The following C17orf58 variants were observed in gnomAD, a reference collection of about 807,000 sequenced individuals.
C17orf58 encodes chromosome 17 open reading frame 58.
Under a neutral mutation model 7.4 loss-of-function variants are expected in C17orf58, and 5 were observed. The observed-to-expected ratio is 0.67, with a 90% CI of 0.35 to 1.42. C17orf58 has a LOEUF of 1.42. Ranked by LOEUF, C17orf58 falls within the 40% of genes most tolerant of loss-of-function variation. The pLI is 0.04. For synonymous variants in C17orf58, 60 were observed against 70.6 expected (o/e 0.85, Z 0.75); for missense variants, 162 against 174.2 (o/e 0.93, Z 0.40).
intron 1 of C17orf58, among the ~76,000 whole-genome samples, chr17:67,995,231 G>A (rs567700510): frequency 6.6e-6 from 1 of 152,198 alleles, no homozygotes; most frequent in Non-Finnish European, 1.5e-5. Flanking sequence ...TTGCAAAGAG[G>A]TTGATTCTGA....
chr17:67,994,535 T>TATATATATAAAAAA (rs71142122), intron 1 of C17orf58, among the ~76,000 whole-genome samples: 1 of 100,310 alleles, frequency 1.0e-5, no homozygotes, highest in Non-Finnish European at 2.3e-5. Context: ...TATATATATA[T>TATATATATAAAAAA]AAAACATATA....
chr17:67,995,514 A>T (rs2070884731), intron 1 of C17orf58, among the ~76,000 whole-genome samples: 1 of 152,274 alleles, frequency 6.6e-6, no homozygotes, highest in South Asian at 2.1e-4. Flanking sequence ...AAATAAAAGC[A>T]AAACAAAAAC....
intron 1 of C17orf58, among the ~76,000 whole-genome samples, chr17:67,994,512 G>GCATATATATATATA (rs782617371): frequency 1.2e-4 from 10 of 85,568 alleles, no homozygotes; most frequent in African/African-American, 3.4e-4. Context: ...GTGTGTGTGT[G>GCATATATATATATA]TGTGTATATA....
chr17:67,991,886 C>G lies in C17orf58; in HGVS notation c.*27G>C, dbSNP rs200259899. The G allele has an allele frequency of 6.4e-7, 1 of 1,556,502 alleles. No individual in the cohort carries two copies. Among genetic ancestry groups the G allele is most frequent in the South Asian group, 1.2e-5 (1 of 81,432 alleles). ...TTGTTGCCGACGTCCAAGTCTCTTG[C>G]GGTCCAGAAATGCCAGGATGGTTGT... On this transcript the variant is annotated 3_prime_UTR_variant, in exon 4 of 4. Coordinates refer to ENST00000580729, the MANE Select transcript of C17orf58 (RefSeq NM_001382359.1).
chr17:67,993,311 C>T lies in C17orf58; in HGVS notation c.638-76G>A. On this transcript the variant is annotated intron_variant, in intron 2 of 3. Coordinates refer to ENST00000580729, the MANE Select transcript of C17orf58 (RefSeq NM_001382359.1). This position sits in a 1 kb window ranked among gnomAD's most constrained non-coding sequence, Gnocchi z 5.1. The stretch of plus-strand genomic sequence containing the variant: ...CAGTCCCCCAGGAGGTGGTTTTTAG[C>T]AACCGCGAAACGGCCCGCACGGGTC... The T allele has an allele frequency of 1.0e-6, 1 of 952,480 alleles. No individual in the cohort carries two copies. The highest frequency in any genetic ancestry group is 1.7e-5 in the South Asian group (1 of 59,026). The allele number at this position is 952,480 out of a possible 1,614,324, so 59.0% of individuals were successfully genotyped here. A position where few individuals can be genotyped will look rare whatever the true frequency, so the allele number is the denominator to read the frequency against.
rs781790274 is a variant in C17orf58, at chr17:67,991,974, T to C, written c.959A>G (p.Lys320Arg). ...GLLRSSSSYVKRFNRKREGQI... is the reference protein window; with the variant it reads ...GLLRSSSSYVRRFNRKREGQI... ...CCCTTCCCTTTTTCGATTAAACCTT[T>C]TCACATAGCTGCTGCTGCTCCTTAG... The change falls in exon 4 of 4, where the codon AAA (lysine) becomes AGA (arginine). Residue 320 changes from lysine (K) to arginine (R), a missense_variant. Coordinates refer to ENST00000580729, the MANE Select transcript of C17orf58 (RefSeq NM_001382359.1). The C allele has an allele frequency of 4.3e-6, 7 of 1,613,230 alleles. No individual in the cohort carries two copies. The South Asian group carries it at 4.4e-5, about 10-fold the overall frequency.
At chr17:67,995,663 G>A (rs1468402662) in intron 1 of C17orf58, among the ~76,000 whole-genome samples, 1 of 152,224 alleles carries the variant, frequency 6.6e-6, no homozygotes, top group Non-Finnish European at 1.5e-5. Context: ...GCTGCGGGGA[G>A]AGCAAAGTGC....
At chr17:67,994,601 C>G (rs371402972) in intron 1 of C17orf58, among the ~76,000 whole-genome samples, 3 of 148,844 alleles carry the variant, frequency 2.0e-5, no homozygotes, top group East Asian at 1.9e-4. Context: ...AAGAGCAAAC[C>G]CCAGGGGGAA....
chr17:67,994,508 G>GTA lies in C17orf58; in HGVS notation c.77-525_77-524insTA, dbSNP rs1401650060. On this transcript the variant is annotated intron_variant, in intron 1 of 3. Transcript: ENST00000580729. ...TGTGCGTGTGCGTGTGTGTGTGTGT[G>GTA]TGTGTGTGTATATATATATATATAT... Among the ~76,000 whole-genome samples, 170 of 55,950 alleles carry GTA rather than the reference G, an allele frequency of 3.0e-3. 3 individuals are homozygous for GTA. The highest frequency in any genetic ancestry group is 7.8e-3 in the African/African-American group (141 of 18,180). The allele number at this position is 55,950 out of a possible 152,430, so 36.7% of individuals were successfully genotyped here. A position where few individuals can be genotyped will look rare whatever the true frequency, so the allele number is the denominator to read the frequency against.
In C17orf58 at chr17:67,993,403, C is replaced by T. The variant is rs1324156044; in HGVS notation, c.637+21G>A. On this transcript the variant is annotated intron_variant, in intron 2 of 3. Coordinates refer to ENST00000580729, the MANE Select transcript of C17orf58 (RefSeq NM_001382359.1). This position sits in a 1 kb window ranked among gnomAD's most constrained non-coding sequence, Gnocchi z 5.1. The stretch of plus-strand genomic sequence containing the variant: ...AAAGGCTCGCGGGGCGGCGGGGCGG[C>T]GGCGCGGCGGCCGGGCTCACCGAAT... The T allele has an allele frequency of 5.2e-6, 3 of 572,050 alleles. No individual in the cohort carries two copies. The African/African-American group carries it at 5.8e-5, about 11-fold the overall frequency. 35.4% of individuals were successfully genotyped at this position (572,050 alleles called of 1,614,324 possible).
intron 3 of C17orf58, among the ~76,000 whole-genome samples, chr17:67,992,399 C>G (rs1407029810): frequency 6.6e-6 from 1 of 151,922 alleles, no homozygotes; most frequent in Non-Finnish European, 1.5e-5. Flanking sequence ...GAAACCCCGT[C>G]TCTACTAAAA....
intron 3 of C17orf58, 80 bp downstream of exon 3, chr17:67,992,964 T>C (rs112612674): frequency 6.2e-7 from 1 of 1,614,170 alleles, no homozygotes; most frequent in South Asian, 1.1e-5. Context: ...CTGGGCGACC[T>C]ACAGCCCGGG....
rs1236866615 is a variant in C17orf58, at chr17:67,993,996, G to A, written c.77-12C>T. 10 of 395,688 alleles carry A rather than the reference G, an allele frequency of 2.5e-5. No individual in the cohort carries two copies. The highest frequency in any genetic ancestry group is 4.0e-5 in the Non-Finnish European group (9 of 224,446). The allele number at this position is 395,688 out of a possible 1,614,324, so 24.5% of individuals were successfully genotyped here. On this transcript the variant is annotated splice_polypyrimidine_tract_variant and intron_variant, in intron 1 of 3. Coordinates refer to ENST00000580729, the MANE Select transcript of C17orf58 (RefSeq NM_001382359.1). This position sits in a 1 kb window ranked among gnomAD's most constrained non-coding sequence, Gnocchi z 5.1. ...GTGCGGCGGCGAGGCTGTGGGGAGA[G>A]AAGAGGAGAGGCGGGAAGGCGGTGG...
Position 67,993,879 on chromosome 17 carries a change from C to T in C17orf58, c.182G>A (p.Arg61His), listed in dbSNP as rs1463611465. 8 of 371,844 alleles carry T rather than the reference C, an allele frequency of 2.2e-5. No individual in the cohort carries two copies. Among genetic ancestry groups the T allele is most frequent in the African/African-American group, 4.3e-5 (2 of 46,942 alleles). 23.0% of individuals were successfully genotyped at this position (371,844 alleles called of 1,614,324 possible). A position where few individuals can be genotyped will look rare whatever the true frequency, so the allele number is the denominator to read the frequency against. ...QPLLEAPQRPRAAEVAPAARA... is the reference protein window; with the variant it reads ...QPLLEAPQRPHAAEVAPAARA... ...GGCGGCGGGAGCGACCTCGGCCGCG[C>T]GCGGCCGCTGCGGGGCCTCAAGGAG... The change falls in exon 2 of 4, where the codon CGC becomes CAC. Residue 61 changes from arginine to histidine, a missense_variant. Arg to His is a conservative substitution (Grantham distance 29, BLOSUM62 0). Around this residue, in one of 3 missense-constraint regions of C17orf58, gnomAD observed 93 missense variants for 90.4 expected, o/e 1.03. Coordinates refer to ENST00000580729, the MANE Select transcript of C17orf58 (RefSeq NM_001382359.1). The surrounding 1 kb of genome is among the most constrained non-coding windows in gnomAD (Gnocchi z 5.1).
chr17:67,996,025 ACCCC>A (rs1198650428), intron 1 of C17orf58, 94 bp downstream of exon 1: 2 of 387,212 alleles, frequency 5.2e-6, no homozygotes, highest in Non-Finnish European at 9.0e-6. Flanking sequence ...GCGAGCTCTG[ACCCC>A]CCTCCTCGTC....
chr17:67,992,224 T>A, intron 3 of C17orf58, 121 bp from the exon 4 acceptor site: 1 of 867,102 alleles, frequency 1.2e-6, no homozygotes, highest in Admixed American at 3.1e-5. Context: ...AAGTTGAAAC[T>A]GATATTGAGT....
rs2070855987 is a variant in C17orf58 at position 67,993,313 on chromosome 17, A to G, written c.638-78T>C. 2 of 901,640 alleles carry G rather than the reference A, an allele frequency of 2.2e-6. No homozygotes were observed. The highest frequency in any genetic ancestry group is 2.7e-5 in the East Asian group (1 of 37,498). 55.9% of individuals were successfully genotyped at this position (901,640 alleles called of 1,614,324 possible). A position where few individuals can be genotyped will look rare whatever the true frequency, so the allele number is the denominator to read the frequency against. On this transcript the variant is annotated intron_variant, in intron 2 of 3. Coordinates refer to ENST00000580729, the MANE Select transcript of C17orf58 (RefSeq NM_001382359.1). The surrounding 1 kb of genome is among the most constrained non-coding windows in gnomAD (Gnocchi z 5.1). ...GTCCCCCAGGAGGTGGTTTTTAGCA[A>G]CCGCGAAACGGCCCGCACGGGTCAG...
At chr17:67,992,211 C>T (rs2148736272) in intron 3 of C17orf58, 108 bp from the exon 4 acceptor site, 1 of 1,010,038 alleles carries the variant, frequency 9.9e-7, no homozygotes, top group East Asian at 2.6e-5. Flanking sequence ...TATCTTGCTG[C>T]ACAAGTTGAA....
In C17orf58 at chr17:67,993,569, T is replaced by G; in HGVS notation, c.492A>C (p.Gly164=). 8.4e-6 allele frequency: 2 copies of G among 239,184 alleles called. No individual in the cohort carries two copies. The allele number at this position is 239,184 out of a possible 1,614,324, so 14.8% of individuals were successfully genotyped here. The change falls in exon 2 of 4, where the codon GGA becomes GGC. Residue 164 remains glycine (G), a synonymous_variant. Coordinates refer to ENST00000580729, the MANE Select transcript of C17orf58 (RefSeq NM_001382359.1). This position sits in a 1 kb window ranked among gnomAD's most constrained non-coding sequence, Gnocchi z 5.1. The part of the protein sequence containing the change: ...NRPRAAALAP[G]PAPAPPPRFS... ...AGCGCGGCGGCGGCGCGGGCGCGGG[T>G]CCCGGGGCCAGCGCGGCGGCGCGCG...
Sources: gnomAD v4.1 joint callset for allele counts (sites outside exome capture counted in the v4.1 genomes callset) on GRCh38, gnomAD v4.1.1 for gene constraint, gnomAD v4.1.1 regional missense constraint, Gnocchi (gnomAD v3.1) non-coding constraint, MANE v1.5 for transcripts, NCBI Gene and HGNC (gene_info 2026-07-23, HGNC 2026-07-21) for gene names.